GFRA2: variants seen among roughly 807,000 people sequenced by gnomAD.
GFRA2 encodes the protein GDNF family receptor alpha 2, also known as GDNF family receptor alpha-2.
A neutral mutation model predicts 48.3 loss-of-function variants in GFRA2; 17 were observed. The observed-to-expected ratio is 0.35, with a 90% CI of 0.24 to 0.53. GFRA2 has a LOEUF of 0.53. GFRA2 is among the 20% of genes least tolerant of loss of function. The pLI is 0.93. For synonymous variants in GFRA2, 305 were observed against 257.2 expected (o/e 1.19, Z -1.78); for missense variants, 660 against 637.3 (o/e 1.04, Z -0.38).
chr8:21,714,961 C>A (rs1268649599), intron 4 of GFRA2, among the ~76,000 whole-genome samples: 1 of 152,158 alleles, frequency 6.6e-6, no homozygotes, highest in Non-Finnish European at 1.5e-5. Context: ...CTTAATAGCC[C>A]CAAGTGCCTC....
chr8:21,693,760 A>AG, intron 8 of GFRA2, among the ~76,000 whole-genome samples: 1 of 1,194 alleles, frequency 8.4e-4, no homozygotes, highest in Non-Finnish European at 2.1e-3. Flanking sequence ...GGAGAGAAGA[A>AG]GAAGGAGAGG....
intron 2 of GFRA2, among the ~76,000 whole-genome samples, chr8:21,800,081 C>A: frequency 6.6e-6 from 1 of 152,234 alleles, no homozygotes; most frequent in Non-Finnish European, 1.5e-5. Flanking sequence ...CCAGCTGCCA[C>A]CTTGGAAGAC....
Position 21,750,907 on chromosome 8 carries a change from T to G in GFRA2, c.475A>C (p.Asn159His). ...GCCTTGGCAGCATCCAGGCAATGGTTGCTCTTGGCGCTGACCACCGGGTCT... is the reference window on the plus strand; with the variant it reads ...GCCTTGGCAGCATCCAGGCAATGGTGGCTCTTGGCGCTGACCACCGGGTCT... ...GADPVVSAKSNHCLDAAKACN... is the reference protein window; with the variant it reads ...GADPVVSAKSHHCLDAAKACN... The change falls in exon 4 of 9, where the codon AAC becomes CAC. Residue 159 changes from asparagine to histidine, a missense_variant. Coordinates refer to ENST00000524240, the MANE Select transcript of GFRA2 (RefSeq NM_001495.5). The surrounding 1 kb of genome is among the most constrained non-coding windows in gnomAD (Gnocchi z 5.7). 1.2e-6 allele frequency: 2 copies of G among 1,613,316 alleles called. No homozygotes were observed. Among genetic ancestry groups the G allele is most frequent in the Non-Finnish European group, 1.7e-6 (2 of 1,179,772 alleles).
At position 21,731,569 on chromosome 8, in the gene GFRA2, A is replaced by C. The variant is rs188948058; in HGVS notation, c.794+19019T>G. ...CTGCCAGGAATGAGGAAGTCCCCTG[A>C]ACAGACAGTATAAAGTTTGTTCATC... On this transcript the variant is annotated intron_variant, in intron 4 of 8. Coordinates refer to ENST00000524240, the MANE Select transcript of GFRA2 (RefSeq NM_001495.5). Among the ~76,000 whole-genome samples the C allele has an allele frequency of 3.2e-4, 48 of 152,314 alleles. 1 individual carries two copies. The highest frequency in any genetic ancestry group is 5.6e-4 in the Non-Finnish European group (38 of 68,038).
At chr8:21,724,917 C>A (rs982208654) in intron 4 of GFRA2, among the ~76,000 whole-genome samples, 12 of 152,210 alleles carry the variant, frequency 7.9e-5, no homozygotes, top group African/African-American at 2.9e-4. Flanking sequence ...CAATGGCCAG[C>A]AGCAATGGGG....
intron 2 of GFRA2, among the ~76,000 whole-genome samples, chr8:21,775,273 C>T (rs1367877876): frequency 2.0e-5 from 3 of 152,208 alleles, no homozygotes; most frequent in African/African-American, 4.8e-5. Context: ...GTCTCCCCAA[C>T]TAGAGGAGAA....
chr8:21,741,176 C>T (rs917370239), intron 4 of GFRA2, among the ~76,000 whole-genome samples: 5 of 152,188 alleles, frequency 3.3e-5, no homozygotes, highest in Admixed American at 2.0e-4. Context: ...CTTGCTGTGG[C>T]CTGTGAGGCC....
Position 21,777,817 on chromosome 8 carries a change from G to T in GFRA2, c.356-2762C>A, listed in dbSNP as rs201061157. 2.6e-3 allele frequency among the ~76,000 whole-genome samples: 394 copies of T among 152,292 alleles called. 21 individuals carry two copies. The East Asian group carries it at 0.07, about 27-fold the overall frequency. On this transcript the variant is annotated intron_variant, in intron 2 of 8. Coordinates refer to ENST00000524240, the MANE Select transcript of GFRA2 (RefSeq NM_001495.5). ...CCACTCTGGGTCCTGCCACGAGCTT[G>T]CTGTGTGCCCTGGGAGGCCATCTCA...
At chr8:21,777,884 G>A (rs1364532944) in intron 2 of GFRA2, among the ~76,000 whole-genome samples, 2 of 152,142 alleles carry the variant, frequency 1.3e-5, no homozygotes, top group Non-Finnish European at 2.9e-5. Flanking sequence ...GTAGGGGTGA[G>A]CCCGAATGAT....
intron 4 of GFRA2, among the ~76,000 whole-genome samples, chr8:21,726,687 A>G (rs1803886983): frequency 6.6e-6 from 1 of 151,284 alleles, no homozygotes; most frequent in African/African-American, 2.4e-5. Context: ...GACACTGGCC[A>G]CTGGATTTAG....
chr8:21,732,184 A>G (rs918159132), intron 4 of GFRA2, among the ~76,000 whole-genome samples: 12 of 152,224 alleles, frequency 7.9e-5, no homozygotes, highest in Admixed American at 5.2e-4. Context: ...GAGATGGAAA[A>G]TAAATGAGAT....
intron 2 of GFRA2, among the ~76,000 whole-genome samples, chr8:21,776,464 A>G (rs1299400932): frequency 7.2e-6 from 1 of 138,074 alleles, no homozygotes; most frequent in Non-Finnish European, 1.5e-5. Context: ...CATCCAGACG[A>G]GACTCTTTTT....
intron 2 of GFRA2, among the ~76,000 whole-genome samples, chr8:21,777,274 C>T (rs1326404624): frequency 6.6e-6 from 1 of 152,168 alleles, no homozygotes; most frequent in African/African-American, 2.4e-5. Context: ...TACTGTTGTT[C>T]CCCTTTTCCC....
At chr8:21,715,353 G>C (rs539605838) in intron 4 of GFRA2, among the ~76,000 whole-genome samples, 1 of 152,322 alleles carries the variant, frequency 6.6e-6, no homozygotes, top group East Asian at 1.9e-4. Flanking sequence ...CTGTCACCTA[G>C]GCTGGAGTGC....
At chr8:21,699,010 C>T (rs1005083298) in intron 7 of GFRA2, among the ~76,000 whole-genome samples, 2 of 152,226 alleles carry the variant, frequency 1.3e-5, no homozygotes, top group African/African-American at 4.8e-5. Flanking sequence ...GACCCCATCA[C>T]CCTCTACCAG....
intron 3 of GFRA2, among the ~76,000 whole-genome samples, chr8:21,761,912 A>G (rs962054462): frequency 6.6e-6 from 1 of 152,010 alleles, no homozygotes; most frequent in African/African-American, 2.4e-5. Context: ...GGCTGTCACC[A>G]CTGTACTCCA....
rs527338795 is a variant in GFRA2, at chr8:21,760,564, G to A, written c.440-9622C>T. Reference sequence around the variant, plus strand: ...TGGAAGGAAAGAAGAGAGGCAGAATGAAATGGACTATTCTGTTTTTGACTT... The same window carrying A: ...TGGAAGGAAAGAAGAGAGGCAGAATAAAATGGACTATTCTGTTTTTGACTT... On this transcript the variant is annotated intron_variant, in intron 3 of 8. Transcript: ENST00000524240. Among the ~76,000 whole-genome samples, 4 of 152,338 alleles carry A rather than the reference G, an allele frequency of 2.6e-5. No individual in the cohort carries two copies. In the South Asian group the frequency reaches 8.3e-4, roughly 32 times the overall value.
Position 21,775,072 on chromosome 8 carries a change from G to C in GFRA2, c.356-17C>G. ...ACTCCTCACCTGGAAGACAGAACAG[G>C]CATCAGATGCGGGCTCCTCCGGGCC... On this transcript the variant is annotated splice_polypyrimidine_tract_variant and intron_variant, in intron 2 of 8. Coordinates refer to ENST00000524240, the MANE Select transcript of GFRA2 (RefSeq NM_001495.5). 7.2e-7 allele frequency: 1 copy of C among 1,382,432 alleles called. No individual in the cohort carries two copies. 85.6% of individuals were successfully genotyped at this position (1,382,432 alleles called of 1,614,324 possible).
intron 3 of GFRA2, among the ~76,000 whole-genome samples, chr8:21,763,205 C>T (rs1805994111): frequency 6.6e-6 from 1 of 152,152 alleles, no homozygotes; most frequent in Non-Finnish European, 1.5e-5. Context: ...AAAAATAATT[C>T]AAAGACTTAG....
Sources: gnomAD v4.1 joint callset for allele counts (sites outside exome capture counted in the v4.1 genomes callset) on GRCh38, gnomAD v4.1.1 for gene constraint, Gnocchi (gnomAD v3.1) non-coding constraint, MANE v1.5 for transcripts, NCBI Gene and HGNC (gene_info 2026-07-23, HGNC 2026-07-21) for gene names.